The following GLI2 variants were observed in gnomAD, a reference collection of about 807,000 sequenced individuals.
The protein encoded by GLI2 is GLI family zinc finger 2.
Under a neutral mutation model 78.9 loss-of-function variants are expected in GLI2, and 22 were observed. The ratio of observed to expected loss-of-function variants is 0.28; its 90% CI spans 0.20 to 0.40. The LOEUF is 0.40. Ranked by LOEUF, GLI2 falls within the 10% of genes least tolerant of loss-of-function variation. The pLI is 1.00. For missense variants in GLI2, 2,097 were observed against 2,213.2 expected (o/e 0.95, Z 1.05); for synonymous variants, 974 against 963.7 (o/e 1.01, Z -0.20).
At chr2:120,854,101 G>GA (rs1004285571) in intron 2 of GLI2, among the ~76,000 whole-genome samples, 1 of 152,110 alleles carries the variant, frequency 6.6e-6, no homozygotes, top group Non-Finnish European at 1.5e-5. Context: ...CATTCTGGTG[G>GA]AAAAAAACCA....
At chr2:120,840,472 C>T (rs1686814174) in intron 2 of GLI2, among the ~76,000 whole-genome samples, 1 of 152,104 alleles carries the variant, frequency 6.6e-6, no homozygotes, top group African/African-American at 2.4e-5. Context: ...TTGAAGGAAA[C>T]CTGTGCAGCA....
At chr2:120,830,093 G>C (rs1348984258) in intron 2 of GLI2, among the ~76,000 whole-genome samples, 1 of 152,176 alleles carries the variant, frequency 6.6e-6, no homozygotes, top group African/African-American at 2.4e-5. Context: ...GAGTGAGTGG[G>C]AGTCTGGTGG....
At chr2:120,771,487 C>T (rs1349129312) in intron 1 of GLI2, among the ~76,000 whole-genome samples, 1 of 152,172 alleles carries the variant, frequency 6.6e-6, no homozygotes, top group African/African-American at 2.4e-5. Context: ...TCTAAGGGGT[C>T]GATCAAAGGC....
chr2:120,769,204 C>T (rs116421946), intron 1 of GLI2, among the ~76,000 whole-genome samples: 1,958 of 152,308 alleles, frequency 0.013, 41 homozygotes, highest in African/African-American at 0.045. Flanking sequence ...TAGCTCCCGC[C>T]GCCAGTGTTG....
intron 2 of GLI2, among the ~76,000 whole-genome samples, chr2:120,909,551 C>G (rs1439264412): frequency 6.6e-6 from 1 of 152,160 alleles, no homozygotes; most frequent in Non-Finnish European, 1.5e-5. Flanking sequence ...GTGGTTAGAT[C>G]GTGCACACCC....
At chr2:120,777,893 G>T (rs1683728993) in intron 1 of GLI2, among the ~76,000 whole-genome samples, 1 of 151,998 alleles carries the variant, frequency 6.6e-6, no homozygotes, top group Non-Finnish European at 1.5e-5. Flanking sequence ...CCCCAGGCTG[G>T]GGTGCAGAGC....
chr2:120,788,412 T>G lies in GLI2; in HGVS notation c.-30-8879T>G, dbSNP rs530818833. ...GTTCCTGGCAGGAAGGCATGGGGAT[T>G]GGAGAGGGCCTGCTGGCTTTCAGGG... On this transcript the variant is annotated intron_variant, in intron 1 of 13. Transcript: ENST00000361492. Among the ~76,000 whole-genome samples, 32 of 152,348 alleles carry G rather than the reference T, an allele frequency of 2.1e-4. No homozygotes were observed. The South Asian group carries it at 6.6e-3, about 32-fold the overall frequency.
intron 1 of GLI2, among the ~76,000 whole-genome samples, chr2:120,790,461 A>G (rs1363106239): frequency 6.6e-6 from 1 of 152,138 alleles, no homozygotes; most frequent in Admixed American, 6.5e-5. Flanking sequence ...TGAGTTTGCC[A>G]TCTCCCCAAA....
intron 2 of GLI2, 23 bp from the exon 3 acceptor site, chr2:120,927,338 T>C (rs373659231): frequency 1.3e-5 from 20 of 1,563,426 alleles, no homozygotes; most frequent in Non-Finnish European, 1.8e-5. Context: ...TTTGAAGTCT[T>C]GTTTCTCTCT....
Position 120,862,255 on chromosome 2 carries a change from C to T in GLI2, c.148+64787C>T, listed in dbSNP as rs138081990. ...GAATGAATGTGGGGTGAGCCCTGGCCCAAAGGCATTTGCTAAATGTTTGTG... is the reference window on the plus strand; with the variant it reads ...GAATGAATGTGGGGTGAGCCCTGGCTCAAAGGCATTTGCTAAATGTTTGTG... On this transcript the variant is annotated intron_variant, in intron 2 of 13. Transcript: ENST00000361492. Among the ~76,000 whole-genome samples, 25 of 152,282 alleles carry T rather than the reference C, an allele frequency of 1.6e-4. No homozygotes were observed. In the East Asian group the frequency reaches 4.3e-3, roughly 26 times the overall value.
intron 13 of GLI2, 65 bp from the exon 14 acceptor site, chr2:120,988,141 CTG>C (rs1453749630): frequency 4.2e-6 from 6 of 1,443,194 alleles, no homozygotes. Context: ...AGTGCGATGA[CTG>C]AGCACGGTCA....
chr2:120,969,045 A>G (rs1047037559), intron 6 of GLI2, 130 bp downstream of exon 6: 64 of 697,050 alleles, frequency 9.2e-5, no homozygotes, highest in Non-Finnish European at 1.6e-4. Context: ...TTGTGAATCC[A>G]CATACTTGCA....
At chr2:120,923,533 G>T (rs989195780) in intron 2 of GLI2, among the ~76,000 whole-genome samples, 3 of 150,584 alleles carry the variant, frequency 2.0e-5, no homozygotes, top group Non-Finnish European at 4.4e-5. Context: ...CCATGCATAT[G>T]CACACAGCAA....
intron 2 of GLI2, among the ~76,000 whole-genome samples, chr2:120,818,731 C>T (rs1236683101): frequency 6.6e-6 from 1 of 152,222 alleles, no homozygotes; most frequent in Admixed American, 6.5e-5. Context: ...TCCCAAGGCT[C>T]CTTCAAGGCC....
intron 1 of GLI2, among the ~76,000 whole-genome samples, chr2:120,784,615 G>A (rs1417159665): frequency 1.3e-5 from 2 of 152,046 alleles, no homozygotes; most frequent in Non-Finnish European, 2.9e-5. Context: ...CCAGTCTGCC[G>A]GACACTTGAC....
At chr2:120,750,829 G>A (rs978737251) in intron 1 of GLI2, among the ~76,000 whole-genome samples, 2 of 152,250 alleles carry the variant, frequency 1.3e-5, no homozygotes, top group African/African-American at 2.4e-5. Flanking sequence ...GGGGTCCGAT[G>A]TTTACCAGGG....
intron 2 of GLI2, among the ~76,000 whole-genome samples, chr2:120,860,508 G>A (rs1249307285): frequency 6.6e-6 from 1 of 152,244 alleles, no homozygotes; most frequent in African/African-American, 2.4e-5. Context: ...TCGAGATTCT[G>A]GGAGCAGACT....
At chr2:120,865,708 C>A (rs1020644079) in intron 2 of GLI2, among the ~76,000 whole-genome samples, 3 of 152,216 alleles carry the variant, frequency 2.0e-5, no homozygotes, top group African/African-American at 7.2e-5. Flanking sequence ...ATCTTCTCCC[C>A]ATCCCTGCCA....
chr2:120,938,564 A>G (rs990873923), intron 3 of GLI2, among the ~76,000 whole-genome samples: 1 of 152,236 alleles, frequency 6.6e-6, no homozygotes, highest in Non-Finnish European at 1.5e-5. Flanking sequence ...CTCTTTGTCA[A>G]CTGAAAACGG....
Sources: allele counts gnomAD v4.1 joint callset (sites outside exome capture counted in the v4.1 genomes callset), GRCh38; gene constraint gnomAD v4.1.1; transcripts MANE v1.5; gene names NCBI Gene and HGNC (gene_info 2026-07-23, HGNC 2026-07-21).